The following DMD variants were observed in gnomAD, a reference collection of about 807,000 sequenced individuals.
The protein encoded by DMD is dystrophin.
In DMD, 63 loss-of-function variants were observed where a neutral mutation model predicts 330.1. That is an observed-to-expected ratio of 0.19 (90% CI 0.16 to 0.24). The LOEUF is 0.24. Ranked by LOEUF, DMD falls within the 10% of genes least tolerant of loss-of-function variation. The pLI, the probability that DMD is intolerant of heterozygous loss-of-function variation, is 1.00. For synonymous variants in DMD, 1,223 were observed against 959.8 expected (o/e 1.27, Z -5.07); for missense variants, 3,344 against 2,684.1 (o/e 1.25, Z -5.43).
At chrX:32,536,874 A>C (rs1238121858) in intron 17 of DMD, among the ~76,000 whole-genome samples, 2 of 112,015 alleles carry the variant, frequency 1.8e-5, no homozygotes, top group African/African-American at 3.2e-5. Context: ...GAATAATCTA[A>C]TTAAAACTGC....
intron 60 of DMD, among the ~76,000 whole-genome samples, chrX:31,408,907 G>A (rs2061520766): frequency 9.0e-6 from 1 of 111,191 alleles, no homozygotes; most frequent in Non-Finnish European, 1.9e-5. Context: ...TTAGCGTTAC[G>A]TATATCTCCT....
chrX:32,430,845 T>G (rs912010068), intron 29 of DMD, among the ~76,000 whole-genome samples: 1 of 111,962 alleles, frequency 8.9e-6, no homozygotes, highest in Non-Finnish European at 1.9e-5. Flanking sequence ...TGTAGCATAA[T>G]GTCCTCCAGG....
At chrX:31,456,876 G>GTGTGTGTGTGTA (rs752346201) in intron 59 of DMD, among the ~76,000 whole-genome samples, 73 of 68,713 alleles carry the variant, frequency 1.1e-3, no homozygotes, top group East Asian at 3.1e-3. Context: ...GTGTGTGTGT[G>GTGTGTGTGTGTA]TATATATATA....
intron 60 of DMD, among the ~76,000 whole-genome samples, chrX:31,436,660 C>T (rs763797273): frequency 1.9e-4 from 21 of 111,961 alleles, no homozygotes; most frequent in African/African-American, 5.8e-4. Context: ...CTTGACAGTA[C>T]GCTTTGACCT....
chrX:32,481,241 G>C (rs2041863815), intron 21 of DMD, among the ~76,000 whole-genome samples: 1 of 110,822 alleles, frequency 9.0e-6, no homozygotes, highest in South Asian at 3.8e-4. Flanking sequence ...CACCTCCCCA[G>C]ATCATCACCT....
chrX:32,812,128 T>C (rs1003594373), intron 6 of DMD, among the ~76,000 whole-genome samples: 2 of 111,299 alleles, frequency 1.8e-5, no homozygotes, highest in East Asian at 2.8e-4. Flanking sequence ...ACAGACACCT[T>C]TGAGAATCTG....
intron 42 of DMD, among the ~76,000 whole-genome samples, chrX:32,288,258 T>C (rs888136358): frequency 4.5e-5 from 5 of 111,688 alleles, no homozygotes; most frequent in Admixed American, 1.9e-4. Context: ...TCTCATCCCA[T>C]AGATTCCCTC....
At chrX:32,840,893 T>C (rs1421517394) in intron 4 of DMD, among the ~76,000 whole-genome samples, 1 of 111,785 alleles carries the variant, frequency 8.9e-6, no homozygotes, top group Non-Finnish European at 1.9e-5. Context: ...AACTGGGAAA[T>C]GTATTTCTGT....
At chrX:33,293,478 T>C (rs924413646) in intron 1 of DMD, among the ~76,000 whole-genome samples, 1 of 111,467 alleles carries the variant, frequency 9.0e-6, no homozygotes, top group Admixed American at 9.6e-5. Flanking sequence ...ATCATCACAT[T>C]GCCATCCAAG....
intron 53 of DMD, among the ~76,000 whole-genome samples, chrX:31,664,102 G>A (rs2081281748): frequency 9.0e-6 from 1 of 111,454 alleles, no homozygotes; most frequent in Non-Finnish European, 1.9e-5. Flanking sequence ...CCTAATCCCA[G>A]TGGGATATTA....
intron 1 of DMD, among the ~76,000 whole-genome samples, chrX:33,302,684 T>A (rs1377375243): frequency 9.0e-6 from 1 of 111,158 alleles, no homozygotes; most frequent in Admixed American, 9.7e-5. Flanking sequence ...ATATATCCCC[T>A]GCCTCCACAC....
At chrX:32,428,970 A>T (rs1240598848) in intron 29 of DMD, among the ~76,000 whole-genome samples, 1 of 111,306 alleles carries the variant, frequency 9.0e-6, no homozygotes, top group African/African-American at 3.3e-5. Context: ...TAATAATGAT[A>T]ATGACCATAA....
At chrX:31,346,576 T>C (rs2058084470) in intron 61 of DMD, among the ~76,000 whole-genome samples, 1 of 111,424 alleles carries the variant, frequency 9.0e-6, no homozygotes, top group South Asian at 3.8e-4. Flanking sequence ...CAATTTAATA[T>C]GCAATATTGT....
At chrX:32,571,182 C>G (rs1256001445) in intron 15 of DMD, among the ~76,000 whole-genome samples, 3 of 111,794 alleles carry the variant, frequency 2.7e-5, no homozygotes, top group Non-Finnish European at 5.6e-5. Flanking sequence ...TATCTTCGCT[C>G]CTAATCAGAG....
Position 31,704,812 on chromosome X carries a change from T to A in DMD, c.7660+24819A>T, listed in dbSNP as rs185508905. 4.3e-3 allele frequency among the ~76,000 whole-genome samples: 481 copies of A among 112,061 alleles called. 1 individual carries two copies. The highest frequency in any genetic ancestry group is 0.014 in the Middle Eastern group (3 of 218). On this transcript the variant is annotated intron_variant, in intron 52 of 78. Coordinates refer to ENST00000357033, the MANE Select transcript of DMD (RefSeq NM_004006.3). Reference sequence around the variant, plus strand: ...AATTATTTGTTCCTTTATGTATGCATTCATCACAAACTTTTTTATAATCTC... The same window carrying A: ...AATTATTTGTTCCTTTATGTATGCAATCATCACAAACTTTTTTATAATCTC...
chrX:31,941,863 G>A (rs1023268546), intron 45 of DMD, among the ~76,000 whole-genome samples: 1 of 111,906 alleles, frequency 8.9e-6, no homozygotes, highest in African/African-American at 3.3e-5. Context: ...AGGCGTGACT[G>A]TATGCTTTTT....
chrX:32,090,253 A>G (rs1001308408), intron 44 of DMD, among the ~76,000 whole-genome samples: 1 of 111,966 alleles, frequency 8.9e-6, no homozygotes, highest in Non-Finnish European at 1.9e-5. Flanking sequence ...AAAGCTCTAG[A>G]AGTCCATTAG....
intron 1 of DMD, among the ~76,000 whole-genome samples, chrX:33,054,303 A>T (rs998416623): frequency 1.8e-5 from 2 of 112,186 alleles, no homozygotes; most frequent in African/African-American, 6.5e-5. Context: ...ATACATATAT[A>T]TACATACACA....
chrX:32,252,249 G>A (rs1428922658), intron 43 of DMD, among the ~76,000 whole-genome samples: 1 of 110,392 alleles, frequency 9.1e-6, no homozygotes, highest in Non-Finnish European at 1.9e-5. Flanking sequence ...TCTTTACTGA[G>A]TTGCAGGTCT....
Sources: gnomAD v4.1 joint callset for allele counts (sites outside exome capture counted in the v4.1 genomes callset) on GRCh38, gnomAD v4.1.1 for gene constraint, MANE v1.5 for transcripts, NCBI Gene and HGNC (gene_info 2026-07-23, HGNC 2026-07-21) for gene names.